SORCS3: variants seen among roughly 807,000 people sequenced by gnomAD.
SORCS3 encodes the protein VPS10 domain-containing receptor SorCS3.
SORCS3 carries 57 observed loss-of-function variants against 146.3 expected under a neutral mutation model. The observed-to-expected ratio is 0.39, with a 90% confidence interval of 0.31 to 0.49. SORCS3 has a LOEUF of 0.49. SORCS3 is among the 20% of genes least tolerant of loss of function. The pLI is 0.92. For missense variants in SORCS3, 1,341 were observed against 1,575.5 expected, an observed-to-expected ratio of 0.85 and a Z score of 2.52; for synonymous variants, 653 against 618.5, an observed-to-expected ratio of 1.06 and a Z score of -0.83.
At chr10:104,923,798 T>A (rs2019111269) in intron 3 of SORCS3, among the ~76,000 whole-genome samples, 1 of 152,216 alleles carries the variant, frequency 6.6e-6, no homozygotes, top group Non-Finnish European at 1.5e-5. Context: ...ATAACCTGTC[T>A]GTTAAGGAGC....
At chr10:104,818,118 C>A (rs1158217540) in intron 1 of SORCS3, among the ~76,000 whole-genome samples, 1 of 152,182 alleles carries the variant, frequency 6.6e-6, no homozygotes, top group Non-Finnish European at 1.5e-5. Context: ...TTAGTCAGGA[C>A]ACTGCTGTGT....
rs190544440 is a variant in SORCS3, at chr10:105,175,197, G to A, written c.1902-2869G>A. Reference sequence around the variant, plus strand: ...CAAGTAGCTGGGATTACAGGCATGCGCCATCATGCTTGGCTAATTTTTTTT... The same window carrying A: ...CAAGTAGCTGGGATTACAGGCATGCACCATCATGCTTGGCTAATTTTTTTT... On this transcript the variant is annotated intron_variant, in intron 13 of 26. Transcript: ENST00000369701. Among the ~76,000 whole-genome samples, 1,019 of 151,086 alleles carry A rather than the reference G, an allele frequency of 6.7e-3. 9 individuals are homozygous for A. Among genetic ancestry groups the A allele is most frequent in the Middle Eastern group, 0.031 (9 of 288 alleles).
At chr10:105,173,192 G>T (rs527887721) in intron 13 of SORCS3, among the ~76,000 whole-genome samples, 5 of 152,114 alleles carry the variant, frequency 3.3e-5, no homozygotes, top group African/African-American at 1.2e-4. Context: ...AGCGCCTGTA[G>T]TCCCAGCTTC....
Position 104,783,290 on chromosome 10 carries a change from T to C in SORCS3, c.628-59502T>C, listed in dbSNP as rs1216802419. Among the ~76,000 whole-genome samples the C allele has an allele frequency of 3.3e-5, 5 of 152,334 alleles. No homozygotes were observed. In the South Asian group the frequency reaches 8.3e-4, roughly 25 times the overall value. On this transcript the variant is annotated intron_variant, in intron 1 of 26. Coordinates refer to ENST00000369701, the MANE Select transcript of SORCS3 (RefSeq NM_014978.3). ...TGCTTTTGCTGTTTCCTGTTCTCAATAGACTATTGGACCTGGCCAGCTCTC... is the reference window on the plus strand; with the variant it reads ...TGCTTTTGCTGTTTCCTGTTCTCAACAGACTATTGGACCTGGCCAGCTCTC...
intron 3 of SORCS3, among the ~76,000 whole-genome samples, chr10:104,951,873 T>C (rs1173235921): frequency 6.6e-6 from 1 of 152,196 alleles, no homozygotes; most frequent in Non-Finnish European, 1.5e-5. Flanking sequence ...TAGTGTCCAC[T>C]TTTGTGGGCT....
intron 1 of SORCS3, among the ~76,000 whole-genome samples, chr10:104,651,465 G>A (rs1443422235): frequency 1.3e-5 from 2 of 150,648 alleles, no homozygotes; most frequent in Non-Finnish European, 3.0e-5. Context: ...AGGCTGAGGC[G>A]GGCAGATCAC....
intron 2 of SORCS3, among the ~76,000 whole-genome samples, chr10:104,853,227 A>T (rs1666998670): frequency 1.3e-5 from 2 of 152,300 alleles, no homozygotes; most frequent in Admixed American, 1.3e-4. Flanking sequence ...TGAACCTAGG[A>T]GGTGGAGGTT....
chr10:104,727,117 T>G (rs2016645192), intron 1 of SORCS3, among the ~76,000 whole-genome samples: 2 of 152,216 alleles, frequency 1.3e-5, no homozygotes, highest in Admixed American at 6.5e-5. Context: ...CATGTCATAT[T>G]CTGTGGATTC....
chr10:105,129,297 C>T (rs2055998667), intron 7 of SORCS3, among the ~76,000 whole-genome samples: 1 of 149,532 alleles, frequency 6.7e-6, no homozygotes, highest in Non-Finnish European at 1.5e-5. Context: ...CTCCTCTCAG[C>T]TCCATTTTCT....
At chr10:105,048,049 G>T (rs2055385934) in intron 5 of SORCS3, among the ~76,000 whole-genome samples, 1 of 152,036 alleles carries the variant, frequency 6.6e-6, no homozygotes. Flanking sequence ...TGCTAGAGAG[G>T]ATGTGGAGAA....
chr10:104,892,891 T>C (rs2018762493), intron 2 of SORCS3, among the ~76,000 whole-genome samples: 1 of 152,202 alleles, frequency 6.6e-6, no homozygotes, highest in South Asian at 2.1e-4. Flanking sequence ...TCAGCCTTAC[T>C]GCCTTTCTGT....
chr10:104,839,572 G>T (rs1244073780), intron 1 of SORCS3, among the ~76,000 whole-genome samples: 1 of 152,174 alleles, frequency 6.6e-6, no homozygotes, highest in Non-Finnish European at 1.5e-5. Context: ...GGGCCAGATT[G>T]TGGAGTCTAA....
intron 1 of SORCS3, among the ~76,000 whole-genome samples, chr10:104,786,591 TAAAA>T: frequency 1.4e-5 from 2 of 146,534 alleles, no homozygotes; most frequent in South Asian, 4.3e-4. Flanking sequence ...ATGATGATGA[TAAAA>T]GAAAGGAAGA....
chr10:105,164,785 T>G (rs2119520166), intron 12 of SORCS3, among the ~76,000 whole-genome samples: 1 of 152,304 alleles, frequency 6.6e-6, no homozygotes, highest in South Asian at 2.1e-4. Flanking sequence ...ATTGGAACAT[T>G]AAAACTGACA....
rs1387359664 is a variant in SORCS3 at position 104,817,446 on chromosome 10, TTCTCCTTCTTCCTCC to T, written c.628-25321_628-25307del. Reference sequence around the variant, plus strand: ...CTCCTCCTCCTCTTCCTCCTCCCCCTTCTCCTTCTTCCTCCTCTCCTTCTTCCTCCTCTCCTTCTC... The same window carrying T: ...CTCCTCCTCCTCTTCCTCCTCCCCCTTCTCCTTCTTCCTCCTCTCCTTCTC... On this transcript the variant is annotated intron_variant, in intron 1 of 26. Transcript: ENST00000369701. 1.8e-3 allele frequency among the ~76,000 whole-genome samples: 153 copies of T among 86,730 alleles called. 1 individual carries two copies. The highest frequency in any genetic ancestry group is 6.1e-3 in the African/African-American group (134 of 21,926). 56.9% of individuals were successfully genotyped at this position (86,730 alleles called of 152,430 possible).
At chr10:104,860,283 A>G (rs1308643825) in intron 2 of SORCS3, among the ~76,000 whole-genome samples, 1 of 117,478 alleles carries the variant, frequency 8.5e-6, no homozygotes, top group Non-Finnish European at 1.9e-5. Context: ...CATGGATGAA[A>G]TTGGAAATCA....
chr10:104,871,921 G>C lies in SORCS3; in HGVS notation c.695+29062G>C, dbSNP rs530988433. The stretch of plus-strand genomic sequence containing the variant: ...TTTTACCCCTTTGCGTCTTATTTCT[G>C]GTGGTAGTCTTAACTGATTGGAACA... On this transcript the variant is annotated intron_variant, in intron 2 of 26. Coordinates refer to ENST00000369701, the MANE Select transcript of SORCS3 (RefSeq NM_014978.3). 2.0e-5 allele frequency among the ~76,000 whole-genome samples: 3 copies of C among 152,140 alleles called. No individual in the cohort carries two copies. The South Asian group carries it at 6.2e-4, about 32-fold the overall frequency.
chr10:104,727,701 G>A (rs1168811618), intron 1 of SORCS3, among the ~76,000 whole-genome samples: 5 of 152,084 alleles, frequency 3.3e-5, no homozygotes, highest in African/African-American at 9.7e-5. Context: ...TCAGTCCGTG[G>A]CCTGTTAGGA....
chr10:104,765,543 C>T (rs951203809), intron 1 of SORCS3, among the ~76,000 whole-genome samples: 10 of 152,174 alleles, frequency 6.6e-5, no homozygotes, highest in Admixed American at 6.5e-4. Flanking sequence ...GGTATTCAGT[C>T]ACTGTTGGTT....
Sources: gnomAD v4.1 joint callset for allele counts (sites outside exome capture counted in the v4.1 genomes callset) on GRCh38, gnomAD v4.1.1 for gene constraint, MANE v1.5 for transcripts, NCBI Gene and HGNC (gene_info 2026-07-23, HGNC 2026-07-21) for gene names.